CAMTA1: variants seen among roughly 807,000 people sequenced by gnomAD.
The protein encoded by CAMTA1 is calmodulin binding transcription activator 1, also known as calmodulin-binding transcription activator 1.
In CAMTA1, 27 loss-of-function variants were observed where a neutral mutation model predicts 170.9. The observed-to-expected ratio is 0.16, with a 90% CI of 0.12 to 0.22. CAMTA1 has a LOEUF of 0.22. Among genes scored for constraint, CAMTA1 ranks in the 10% least tolerant of loss-of-function variants. CAMTA1 has a pLI of 1.00. For synonymous variants in CAMTA1, 833 were observed against 891.5 expected (o/e 0.93, Z 1.17); for missense variants, 1,619 against 2,217.2 (o/e 0.73, Z 5.42).
intron 5 of CAMTA1, among the ~76,000 whole-genome samples, chr1:7,285,540 C>T (rs1364935238): frequency 6.6e-6 from 1 of 152,212 alleles, no homozygotes; most frequent in African/African-American, 2.4e-5. Flanking sequence ...GGCAGCTCCT[C>T]TGAACAGATG....
chr1:6,988,534 A>C (rs1695745826), intron 3 of CAMTA1, among the ~76,000 whole-genome samples: 1 of 152,158 alleles, frequency 6.6e-6, no homozygotes, highest in Non-Finnish European at 1.5e-5. Context: ...AATGGATTCT[A>C]AACTTCTTGT....
chr1:7,226,992 C>G (rs1661825068), intron 4 of CAMTA1, among the ~76,000 whole-genome samples: 1 of 152,116 alleles, frequency 6.6e-6, no homozygotes, highest in Admixed American at 6.5e-5. Context: ...ACCACCACGC[C>G]TGGCTAATTT....
intron 5 of CAMTA1, among the ~76,000 whole-genome samples, chr1:7,343,401 C>A (rs779806485): frequency 6.6e-6 from 1 of 152,150 alleles, no homozygotes; most frequent in Non-Finnish European, 1.5e-5. Flanking sequence ...ACCTCCGAGG[C>A]CATATTGGGC....
At chr1:7,326,381 T>G (rs553242645) in intron 5 of CAMTA1, among the ~76,000 whole-genome samples, 4 of 152,148 alleles carry the variant, frequency 2.6e-5, no homozygotes, top group African/African-American at 9.7e-5. Context: ...AGTTGAGAGA[T>G]TGAATTCTGT....
intron 5 of CAMTA1, among the ~76,000 whole-genome samples, chr1:7,345,002 C>T (rs58165262): frequency 1.2e-3 from 178 of 152,182 alleles, no homozygotes; most frequent in Middle Eastern, 6.8e-3. Context: ...CCTCCTGCCT[C>T]GGCCTCCCAA....
In CAMTA1 at chr1:7,493,200, AAC is replaced by A. The variant is rs750109313; in HGVS notation, c.510+25303_510+25304del. On this transcript the variant is annotated intron_variant, in intron 6 of 22. Coordinates refer to ENST00000303635, the MANE Select transcript of CAMTA1 (RefSeq NM_015215.4). ...ACAAATACAAACACGCACACACACA[AAC>A]ACAAACCTACATACACACGCACACA... Among the ~76,000 whole-genome samples, 108 of 148,682 alleles carry A rather than the reference AAC, an allele frequency of 7.3e-4. 10 individuals are homozygous for A. The highest frequency in any genetic ancestry group is 1.4e-3 in the Non-Finnish European group (94 of 67,136).
chr1:7,015,291 A>C (rs980179044), intron 3 of CAMTA1, among the ~76,000 whole-genome samples: 7 of 152,010 alleles, frequency 4.6e-5, no homozygotes, highest in Admixed American at 4.6e-4. Flanking sequence ...CCCTGACTCT[A>C]TTCCTCACTG....
intron 3 of CAMTA1, among the ~76,000 whole-genome samples, chr1:6,941,221 G>A (rs1686550933): frequency 6.6e-6 from 1 of 152,118 alleles, no homozygotes; most frequent in Non-Finnish European, 1.5e-5. Context: ...GTTCCAGCAT[G>A]ACTGGGAATT....
Position 7,281,251 on chromosome 1 carries a change from C to T in CAMTA1, c.438+31625C>T, listed in dbSNP as rs562490415. 2.6e-4 allele frequency among the ~76,000 whole-genome samples: 39 copies of T among 152,278 alleles called. 1 individual carries two copies. The South Asian group carries it at 8.1e-3, about 32-fold the overall frequency. ...ACTGGCAGAATATTAATTCTGCAAA[C>T]CAATTCAAGAATCTCTTTGAAATGT... On this transcript the variant is annotated intron_variant, in intron 5 of 22. Transcript: ENST00000303635.
At chr1:6,797,495 C>T (rs556110648) in intron 1 of CAMTA1, among the ~76,000 whole-genome samples, 1 of 151,860 alleles carries the variant, frequency 6.6e-6, no homozygotes, top group African/African-American at 2.4e-5. Context: ...AAGCAATTCT[C>T]CCACCTCAGC....
chr1:7,117,596 A>C (rs1379979379), intron 4 of CAMTA1, among the ~76,000 whole-genome samples: 1 of 152,192 alleles, frequency 6.6e-6, no homozygotes, highest in African/African-American at 2.4e-5. Context: ...CTGAACGTTT[A>C]ATAACTGGCT....
At position 7,442,931 on chromosome 1, in the gene CAMTA1, G is replaced by T. The variant is rs80012879; in HGVS notation, c.439-24899G>T. 0.017 allele frequency among the ~76,000 whole-genome samples: 2,518 copies of T among 152,272 alleles called. 101 individuals carry two copies. In the East Asian group the frequency reaches 0.17, roughly 10 times the overall value. ...ACTGAGACTCAAGGGCTATGACACA[G>T]TGCTACTGCCCTGGCCTTCCCAGAT... On this transcript the variant is annotated intron_variant, in intron 5 of 22. Coordinates refer to ENST00000303635, the MANE Select transcript of CAMTA1 (RefSeq NM_015215.4).
rs1353305708 is a variant in CAMTA1 at position 7,682,417 on chromosome 1, G to T, written c.2914+4684G>T. The stretch of plus-strand genomic sequence containing the variant: ...TCTAAGCAAGTGGAGAGAAGGAAAG[G>T]CCTCTTGGTTTGGCCTTCTGATCCG... On this transcript the variant is annotated intron_variant, in intron 11 of 22. Coordinates refer to ENST00000303635, the MANE Select transcript of CAMTA1 (RefSeq NM_015215.4). This position sits in a 1 kb window ranked among gnomAD's most constrained non-coding sequence, Gnocchi z 5.0. 1.3e-5 allele frequency among the ~76,000 whole-genome samples: 2 copies of T among 152,232 alleles called. No individual in the cohort carries two copies. Among genetic ancestry groups the T allele is most frequent in the Middle Eastern group, 3.2e-3 (1 of 316 alleles).
At chr1:7,305,860 C>T (rs186684829) in intron 5 of CAMTA1, among the ~76,000 whole-genome samples, 4 of 151,986 alleles carry the variant, frequency 2.6e-5, no homozygotes, top group South Asian at 2.1e-4. Context: ...TTTTAATAGG[C>T]GTGTACTGGT....
chr1:7,752,361 G>T (rs1375046084), intron 20 of CAMTA1, 98 bp from the exon 21 acceptor site: 3 of 1,005,208 alleles, frequency 3.0e-6, no homozygotes, highest in South Asian at 2.6e-5. Context: ...TTTGCTACAC[G>T]AACTGCTTAA....
chr1:7,025,781 C>T (rs369966232), intron 3 of CAMTA1, among the ~76,000 whole-genome samples: 3 of 152,030 alleles, frequency 2.0e-5, no homozygotes, highest in East Asian at 1.9e-4. Context: ...AGAAGGCTTC[C>T]GGGAGAAGTA....
intron 6 of CAMTA1, among the ~76,000 whole-genome samples, chr1:7,468,370 A>G (rs2093260764): frequency 6.6e-6 from 1 of 152,172 alleles, no homozygotes; most frequent in Non-Finnish European, 1.5e-5. Flanking sequence ...GGAGCTCCGT[A>G]ATCGATTTGT....
chr1:6,859,332 G>A (rs917432853), intron 3 of CAMTA1, among the ~76,000 whole-genome samples: 8 of 152,116 alleles, frequency 5.3e-5, no homozygotes, highest in Non-Finnish European at 8.8e-5. Context: ...GTATGTGTGT[G>A]CATAAAGACA....
intron 11 of CAMTA1, among the ~76,000 whole-genome samples, chr1:7,712,419 C>G (rs528281069): frequency 6.6e-6 from 1 of 152,174 alleles, no homozygotes; most frequent in South Asian, 2.1e-4. Context: ...TGCCCAGGCT[C>G]AAGTGATCCT....
Sources: allele counts gnomAD v4.1 joint callset (sites outside exome capture counted in the v4.1 genomes callset), GRCh38; gene constraint gnomAD v4.1.1; non-coding constraint Gnocchi (gnomAD v3.1); transcripts MANE v1.5; gene names NCBI Gene and HGNC (gene_info 2026-07-23, HGNC 2026-07-21).